Variants in SAMD14 observed in about 807,000 individuals in gnomAD.
SAMD14 encodes the protein sterile alpha motif domain containing 14.
Under a neutral mutation model 46.2 loss-of-function variants are expected in SAMD14, and 27 were observed. The observed-to-expected ratio is 0.58, with a 90% CI of 0.43 to 0.81. The LOEUF (loss-of-function observed/expected upper bound fraction) is 0.81, where lower values mean the gene tolerates loss of function less well. Among genes scored for constraint, SAMD14 ranks in the 30% least tolerant of loss-of-function variants. The pLI, the probability that SAMD14 is intolerant of heterozygous loss-of-function variation, is 0.00. For missense variants in SAMD14, 559 were observed against 582.2 expected (o/e 0.96, Z 0.41); for synonymous variants, 241 against 254.3 (o/e 0.95, Z 0.50).
intron 7 of SAMD14, chr17:50,114,557 C>T (rs950036217): frequency 1.4e-5 from 13 of 919,130 alleles, no homozygotes; most frequent in Middle Eastern, 6.5e-4. Flanking sequence ...GGAATGGAGG[C>T]GGTCTCAGGC....
chr17:50,112,792 C>G lies in SAMD14; in HGVS notation c.*101G>C, dbSNP rs1048622245. 7.2e-7 allele frequency: 1 copy of G among 1,391,432 alleles called. No homozygotes were observed. 86.2% of individuals were successfully genotyped at this position (1,391,432 alleles called of 1,614,324 possible). A position where few individuals can be genotyped will look rare whatever the true frequency, so the allele number is the denominator to read the frequency against. ...TCCCCCCTGAGAGCGTGGGACCAGG[C>G]TAGCCCAAGTGCAGCGCCCAGGTCC... is the stretch of plus-strand genomic sequence containing the variant. On this transcript the variant is annotated 3_prime_UTR_variant, in exon 10 of 10. Coordinates refer to ENST00000330175, the MANE Select transcript of SAMD14 (RefSeq NM_001257359.2).
chr17:50,124,764 C>T (rs545223038), intron 2 of SAMD14, among the ~76,000 whole-genome samples, 153 bp downstream of exon 2: 11 of 86,592 alleles, frequency 1.3e-4, no homozygotes, highest in East Asian at 3.4e-4. Flanking sequence ...CGCGTGCACG[C>T]GCGCGCGCAC....
chr17:50,117,356 T>G, intron 4 of SAMD14, 51 bp downstream of exon 4: 1 of 1,268,564 alleles, frequency 7.9e-7, no homozygotes. Context: ...CCGGGAGGGC[T>G]GCTGCGCCCG....
At chr17:50,125,833 C>T (rs1056484991) in intron 1 of SAMD14, among the ~76,000 whole-genome samples, 4 of 152,198 alleles carry the variant, frequency 2.6e-5, no homozygotes, top group Non-Finnish European at 4.4e-5. Flanking sequence ...ACGAGGAATA[C>T]ACACAGCACA....
In SAMD14 at chr17:50,117,599, G is replaced by T; in HGVS notation, c.307C>A (p.Pro103Thr). 6.4e-7 allele frequency: 1 copy of T among 1,556,368 alleles called. No homozygotes were observed. The highest frequency in any genetic ancestry group is 8.6e-7 in the Non-Finnish European group (1 of 1,161,016). Residue 103 changes from proline to threonine, a missense_variant, in exon 4 of 10, where the codon CCG becomes ACG. By Grantham distance (38) the Pro-to-Thr change is conservative. Transcript: ENST00000330175. The stretch of plus-strand genomic sequence containing the variant: ...TCGTCCAGGCTGCGCCGCAACCCCG[G>T]AGGATCCAGGCAGAAAGAGCCCCCG... ...PAGGSFCLDPPGLRRSLDEDE... is the reference protein window; with the variant it reads ...PAGGSFCLDPTGLRRSLDEDE...
Position 50,115,856 on chromosome 17 carries a change from G to T in SAMD14, c.636C>A (p.Gly212=). The change falls in exon 6 of 10, where the codon GGC becomes GGA. Residue 212 remains glycine, a synonymous_variant. Transcript: ENST00000330175. This position sits in a 1 kb window ranked among gnomAD's most constrained non-coding sequence, Gnocchi z 5.3. The part of the protein sequence containing the change: ...ASTGKSRKEK[G]SNRLSMGSRE... ...TGCTGCCCATGGACAGTCGGTTGCT[G>T]CCTTTCTCCTTCCGGCTCTTGCCCG... is the stretch of plus-strand genomic sequence containing the variant. 1 of 1,613,134 alleles carries T rather than the reference G, an allele frequency of 6.2e-7. No individual in the cohort carries two copies. The highest frequency in any genetic ancestry group is 8.5e-7 in the Non-Finnish European group (1 of 1,179,908).
In SAMD14 at chr17:50,129,844, CAG is replaced by C. The variant is rs56004942; in HGVS notation, c.-342_-341del. 1.6e-3 allele frequency: 229 copies of C among 144,818 alleles called. No homozygotes were observed. The highest frequency in any genetic ancestry group is 2.2e-3 in the Non-Finnish European group (144 of 64,922). 9.0% of individuals were successfully genotyped at this position (144,818 alleles called of 1,614,324 possible). A position where few individuals can be genotyped will look rare whatever the true frequency, so the allele number is the denominator to read the frequency against. On this transcript the variant is annotated 5_prime_UTR_variant, in exon 1 of 10. Coordinates refer to ENST00000330175, the MANE Select transcript of SAMD14 (RefSeq NM_001257359.2). This position sits in a 1 kb window ranked among gnomAD's most constrained non-coding sequence, Gnocchi z 5.6. ...TGCGTGTGCGTGTGTGTGTGTGTGA[CAG>C]AGAGAGAGAGAGAGAGAAGAGCGAA...
rs765516720 is a variant in SAMD14 at position 50,112,967 on chromosome 17, G to A, written c.1180C>T (p.Arg394Cys). 6.8e-6 allele frequency: 11 copies of A among 1,611,292 alleles called. No homozygotes were observed. The Admixed American group carries it at 1.7e-4, about 24-fold the overall frequency. ...CGCGCAGCCTTCTCCTGGGCCTTGC[G>A]CTCCTTCTCGGCAGCTGCTGCCATC... The part of the protein sequence containing the change: ...KEMAAAAEKE[R>C]KAQEKAARQR... Residue 394 changes from arginine to cysteine, a missense_variant, in exon 10 of 10, where the codon CGC becomes TGC. Arg to Cys is a radical substitution (Grantham distance 180). Transcript: ENST00000330175.
chr17:50,120,986 C>T (rs777642042), intron 2 of SAMD14, among the ~76,000 whole-genome samples: 5 of 152,202 alleles, frequency 3.3e-5, no homozygotes, highest in Non-Finnish European at 7.3e-5. Context: ...ATTAGAATGT[C>T]AGCTCCATGA....
chr17:50,118,367 G>A (rs1225893944), intron 2 of SAMD14, 40 bp from the exon 3 acceptor site: 1 of 1,602,036 alleles, frequency 6.2e-7, no homozygotes, highest in Admixed American at 1.7e-5. Context: ...AGACACATGA[G>A]AGGTGACGGC....
chr17:50,110,950 G>GC lies in SAMD14; in HGVS notation c.*1942dup, dbSNP rs1427820517. On this transcript the variant is annotated 3_prime_UTR_variant, in exon 10 of 10. Transcript: ENST00000330175. ...TATAGTTAGTTTTATAACCCTGAAT[G>GC]CCCCCACCCTTCCCCTAAGCACACA... The GC allele has an allele frequency of 6.6e-6, 1 of 152,318 alleles. No homozygotes were observed. Among genetic ancestry groups the GC allele is most frequent in the East Asian group, 1.9e-4 (1 of 5,188 alleles). 9.4% of individuals were successfully genotyped at this position (152,318 alleles called of 1,614,324 possible). A position where few individuals can be genotyped will look rare whatever the true frequency, so the allele number is the denominator to read the frequency against.
At position 50,115,491 on chromosome 17, in the gene SAMD14, G is replaced by A; in HGVS notation, c.822+73C>T. 2 of 1,465,824 alleles carry A rather than the reference G, an allele frequency of 1.4e-6. No individual in the cohort carries two copies. Among genetic ancestry groups the A allele is most frequent in the Non-Finnish European group, 1.8e-6 (2 of 1,092,658 alleles). 90.8% of individuals were successfully genotyped at this position (1,465,824 alleles called of 1,614,324 possible). ...CAGGAATGTCTGAATCCCAGCCTGA[G>A]CCAAGGTGAAGTACGCCCTCATGTC... On this transcript the variant is annotated intron_variant, in intron 7 of 9. Coordinates refer to ENST00000330175, the MANE Select transcript of SAMD14 (RefSeq NM_001257359.2). This position sits in a 1 kb window ranked among gnomAD's most constrained non-coding sequence, Gnocchi z 5.3.
At position 50,114,301 on chromosome 17, in the gene SAMD14, G is replaced by C. The variant is rs1409343744; in HGVS notation, c.828C>G (p.Ser276=). 1 of 1,614,042 alleles carries C rather than the reference G, an allele frequency of 6.2e-7. No homozygotes were observed. The highest frequency in any genetic ancestry group is 1.7e-5 in the Admixed American group (1 of 60,016). ...FSPKKSASQE[S]TLSDDSTPPS... ...GGGGCGTGGAGTCATCACTCAGAGTGGATTCCTAGACAGAAAAAGGTGCAT... is the reference window on the plus strand; with the variant it reads ...GGGGCGTGGAGTCATCACTCAGAGTCGATTCCTAGACAGAAAAAGGTGCAT... The change falls in exon 8 of 10, where the codon TCC becomes TCG. Residue 276 remains serine (S), a synonymous_variant. Transcript: ENST00000330175.
rs529626075 is a variant in SAMD14 at position 50,125,034 on chromosome 17, G to A, written c.-12-63C>T. 4.3e-4 allele frequency: 635 copies of A among 1,476,134 alleles called. 4 individuals carry two copies. In the South Asian group the frequency reaches 6.1e-3, roughly 14 times the overall value. 91.4% of individuals were successfully genotyped at this position (1,476,134 alleles called of 1,614,324 possible). A position where few individuals can be genotyped will look rare whatever the true frequency, so the allele number is the denominator to read the frequency against. On this transcript the variant is annotated intron_variant, in intron 1 of 9. Transcript: ENST00000330175. ...CCTGGGTTAGAGATTCAGGCTGACC[G>A]AGGCAGAAGAGATGTGGAAGGCTAC...
rs1243396762 is a variant in SAMD14 at position 50,115,262 on chromosome 17, A to T, written c.822+302T>A. ...TGGGGTTAGAACTTAACCAGGCAGA[A>T]GAGTTAGCAGGAATGAAGGAAGTCT... On this transcript the variant is annotated intron_variant, in intron 7 of 9. Transcript: ENST00000330175. The surrounding 1 kb of genome is among the most constrained non-coding windows in gnomAD (Gnocchi z 5.3). Among the ~76,000 whole-genome samples, 1 of 152,226 alleles carries T rather than the reference A, an allele frequency of 6.6e-6. No individual in the cohort carries two copies. Among genetic ancestry groups the T allele is most frequent in the Non-Finnish European group, 1.5e-5 (1 of 68,036 alleles).
intron 1 of SAMD14, among the ~76,000 whole-genome samples, chr17:50,127,573 C>A (rs1911836157): frequency 6.6e-6 from 1 of 151,984 alleles, no homozygotes; most frequent in Non-Finnish European, 1.5e-5. Context: ...TGCACTCCAG[C>A]CTGGGCAACA....
chr17:50,120,267 C>T (rs1467293663), intron 2 of SAMD14, among the ~76,000 whole-genome samples: 1 of 151,806 alleles, frequency 6.6e-6, no homozygotes, highest in Non-Finnish European at 1.5e-5. Context: ...AATGTATACA[C>T]ATACTCCTAT....
At chr17:50,118,840 C>T (rs139967998) in intron 2 of SAMD14, among the ~76,000 whole-genome samples, 371 of 152,298 alleles carry the variant, frequency 2.4e-3, no homozygotes, top group African/African-American at 7.9e-3. Flanking sequence ...GTACATACAT[C>T]ATCTCTCACT....
intron 1 of SAMD14, among the ~76,000 whole-genome samples, chr17:50,128,990 G>A (rs1321013823): frequency 6.6e-6 from 1 of 152,196 alleles, no homozygotes; most frequent in Non-Finnish European, 1.5e-5. Context: ...GGGAAGAGGT[G>A]GATGGGAAAG....
Sources: allele counts gnomAD v4.1 joint callset (sites outside exome capture counted in the v4.1 genomes callset), GRCh38; gene constraint gnomAD v4.1.1; non-coding constraint Gnocchi (gnomAD v3.1); transcripts MANE v1.5; gene names NCBI Gene and HGNC (gene_info 2026-07-23, HGNC 2026-07-21).